Variants in TBC1D20 observed in about 807,000 individuals in gnomAD.
TBC1D20 encodes the protein chromosome 20 open reading frame 140.
Under a neutral mutation model 41.6 loss-of-function variants are expected in TBC1D20, and 12 were observed. The observed-to-expected ratio is 0.29, with a 90% CI of 0.18 to 0.47. The LOEUF (loss-of-function observed/expected upper bound fraction) is 0.47, where lower values mean the gene tolerates loss of function less well. TBC1D20 is among the 20% of genes least tolerant of loss of function. The pLI, the probability that TBC1D20 is intolerant of heterozygous loss-of-function variation, is 1.00. For synonymous variants in TBC1D20, 205 were observed against 204.8 expected, an observed-to-expected ratio of 1.00 and a Z score of -0.01; for missense variants, 421 against 517.4, an observed-to-expected ratio of 0.81 and a Z score of 1.81.
intron 1 of TBC1D20, among the ~76,000 whole-genome samples, chr20:449,431 C>T (rs374237367): frequency 1.2e-4 from 18 of 151,528 alleles, no homozygotes; most frequent in African/African-American, 4.4e-4. Context: ...CTCATCTCTA[C>T]TAAAAATACA....
intron 1 of TBC1D20, among the ~76,000 whole-genome samples, chr20:458,505 GAA>G (rs563821967): frequency 6.6e-6 from 1 of 151,758 alleles, no homozygotes; most frequent in Non-Finnish European, 1.5e-5. Flanking sequence ...ATTTTGTAGA[GAA>G]AAAAAGTGTT....
chr20:455,658 C>T (rs1262245939), intron 1 of TBC1D20, among the ~76,000 whole-genome samples: 3 of 151,210 alleles, frequency 2.0e-5, no homozygotes, highest in Non-Finnish European at 4.4e-5. Context: ...ATAGGCCAGG[C>T]GTGGTGGCTC....
chr20:446,506 A>G (rs2017334972), intron 2 of TBC1D20, among the ~76,000 whole-genome samples: 1 of 151,922 alleles, frequency 6.6e-6, no homozygotes, highest in African/African-American at 2.4e-5. Context: ...ATACTCAGCT[A>G]ATTTTTGTAT....
intron 5 of TBC1D20, 91 bp from the exon 6 acceptor site, chr20:440,480 A>G (rs2017207596): frequency 1.4e-6 from 2 of 1,480,774 alleles, no homozygotes; most frequent in Admixed American, 4.9e-5. Flanking sequence ...GGAAGCATTT[A>G]GGAATAAGAT....
At chr20:441,516 G>A in intron 5 of TBC1D20, 72 bp downstream of exon 5, 1 of 1,326,306 alleles carries the variant, frequency 7.5e-7, no homozygotes, top group Non-Finnish European at 1.1e-6. Context: ...CTCGGCTTGT[G>A]AGGAGTGTTT....
At chr20:462,034 C>T (rs1468372782) in intron 1 of TBC1D20, among the ~76,000 whole-genome samples, 1 of 152,194 alleles carries the variant, frequency 6.6e-6, no homozygotes, top group African/African-American at 2.4e-5. Context: ...CGAGGAGTCC[C>T]AGTCCTCTCC....
chr20:438,629 G>A lies in TBC1D20; in HGVS notation c.1169C>T (p.Ala390Val). 1 of 1,614,204 alleles carries A rather than the reference G, an allele frequency of 6.2e-7. No individual in the cohort carries two copies. Among genetic ancestry groups the A allele is most frequent in the Non-Finnish European group, 8.5e-7 (1 of 1,180,038 alleles). ...GAAALAVVKS[A>V]LEWAPKFQLQ... ...CTGAAACTTAGGGGCCCATTCCAGG[G>A]CACTTTTCACCACAGCCAGTGCAGC... Residue 390 changes from alanine to valine, a missense_variant, in exon 8 of 8, where the codon GCC becomes GTC. Ala to Val is a moderately conservative substitution (Grantham distance 64). Around this residue, in one of 3 missense-constraint regions of TBC1D20, gnomAD observed 161 missense variants for 182.7 expected, o/e 0.88. Coordinates refer to ENST00000354200, the MANE Select transcript of TBC1D20 (RefSeq NM_144628.4).
chr20:452,273 C>T (rs918245834), intron 1 of TBC1D20, among the ~76,000 whole-genome samples: 2 of 152,184 alleles, frequency 1.3e-5, no homozygotes, highest in East Asian at 1.9e-4. Context: ...CACAACTGCA[C>T]TCCAGCCTGG....
intron 1 of TBC1D20, 28 bp downstream of exon 1, chr20:462,308 C>A (rs1568471997): frequency 4.7e-6 from 6 of 1,273,360 alleles, no homozygotes; most frequent in Non-Finnish European, 6.0e-6. Flanking sequence ...TCGCAGGCCG[C>A]TCCCGGCGCC....
Position 438,854 on chromosome 20 carries a change from G to A in TBC1D20, c.957-13C>T, listed in dbSNP as rs1386226226. 2.5e-6 allele frequency: 4 copies of A among 1,610,422 alleles called. No homozygotes were observed. The highest frequency in any genetic ancestry group is 2.2e-5 in the East Asian group (1 of 44,788). On this transcript the variant is annotated splice_polypyrimidine_tract_variant and intron_variant, in intron 7 of 7. Coordinates refer to ENST00000354200, the MANE Select transcript of TBC1D20 (RefSeq NM_144628.4). ...AGAGGCTGCCGTCCTGCAGGGGAAA[G>A]AGACGGAAGGAAGGAAGTGGTATGA...
intron 1 of TBC1D20, among the ~76,000 whole-genome samples, chr20:459,052 G>A (rs1379671374): frequency 6.6e-6 from 1 of 152,152 alleles, no homozygotes; most frequent in Non-Finnish European, 1.5e-5. Context: ...ACATAAAAAG[G>A]GAAGAGGAAA....
intron 1 of TBC1D20, among the ~76,000 whole-genome samples, chr20:459,146 C>G (rs2068491969): frequency 6.6e-6 from 1 of 152,192 alleles, no homozygotes; most frequent in Non-Finnish European, 1.5e-5. Context: ...TTAGCAGCGT[C>G]TCCACTGAAA....
chr20:444,054 C>G lies in TBC1D20; in HGVS notation c.337+996G>C, dbSNP rs561151557. Among the ~76,000 whole-genome samples, 6 of 151,964 alleles carry G rather than the reference C, an allele frequency of 3.9e-5. 1 individual carries two copies. The highest frequency in any genetic ancestry group is 1.4e-4 in the African/African-American group (6 of 41,394). On this transcript the variant is annotated intron_variant, in intron 3 of 7. Transcript: ENST00000354200. Reference sequence around the variant, plus strand: ...GCTGAGGCAGGAGAACTGCCTGAACCTGGGAGGCGGAGGTTGTAGTGAGCT... The same window carrying G: ...GCTGAGGCAGGAGAACTGCCTGAACGTGGGAGGCGGAGGTTGTAGTGAGCT...
intron 1 of TBC1D20, 111 bp from the exon 2 acceptor site, chr20:448,185 C>T (rs933724644): frequency 1.5e-6 from 1 of 676,642 alleles, no homozygotes; most frequent in Non-Finnish European, 2.5e-6. Flanking sequence ...CTCCTCTTAG[C>T]TCTAAGACTG....
chr20:456,557 C>G (rs1385359177), intron 1 of TBC1D20, among the ~76,000 whole-genome samples: 1 of 151,054 alleles, frequency 6.6e-6, no homozygotes, highest in Non-Finnish European at 1.5e-5. Flanking sequence ...GAAAGAATGA[C>G]TTTTTTTCTT....
intron 3 of TBC1D20, among the ~76,000 whole-genome samples, chr20:444,692 C>T (rs2017299192): frequency 6.6e-6 from 1 of 152,126 alleles, no homozygotes; most frequent in African/African-American, 2.4e-5. Context: ...CGCAAGGTAC[C>T]ATCGTTTTTA....
intron 1 of TBC1D20, among the ~76,000 whole-genome samples, chr20:448,764 C>A (rs2017386577): frequency 6.6e-6 from 1 of 151,782 alleles, no homozygotes; most frequent in African/African-American, 2.4e-5. Flanking sequence ...CAAAACCGAT[C>A]CTCCCACCTC....
chr20:452,428 A>G (rs1413953733), intron 1 of TBC1D20, among the ~76,000 whole-genome samples: 1 of 152,230 alleles, frequency 6.6e-6, no homozygotes, highest in Non-Finnish European at 1.5e-5. Flanking sequence ...CACAAAATCG[A>G]GAACAGCCTG....
chr20:440,563 T>C (rs1277390711), intron 5 of TBC1D20, 174 bp from the exon 6 acceptor site: 3 of 818,950 alleles, frequency 3.7e-6, no homozygotes, highest in East Asian at 5.7e-5. Context: ...GTCTTTAAGG[T>C]GTACCACAAC....
Sources: allele counts gnomAD v4.1 joint callset (sites outside exome capture counted in the v4.1 genomes callset), GRCh38; gene constraint gnomAD v4.1.1; regional missense constraint gnomAD v4.1.1; transcripts MANE v1.5; gene names NCBI Gene and HGNC (gene_info 2026-07-23, HGNC 2026-07-21).